The following LCLAT1 variants were observed in gnomAD, a reference collection of about 807,000 sequenced individuals.
LCLAT1 encodes lysocardiolipin acyltransferase 1.
In LCLAT1, 11 loss-of-function variants were observed where a neutral mutation model predicts 30.7. That is an observed-to-expected ratio of 0.36 (90% CI 0.23 to 0.59). The LOEUF (loss-of-function observed/expected upper bound fraction) is 0.59, where lower values mean the gene tolerates loss of function less well. Ranked by LOEUF, LCLAT1 falls within the 20% of genes least tolerant of loss-of-function variation. The pLI is 0.77. For synonymous variants in LCLAT1, 155 were observed against 151.3 expected, an observed-to-expected ratio of 1.02 and a Z score of -0.18; for missense variants, 402 against 458.6, an observed-to-expected ratio of 0.88 and a Z score of 1.13.
chr2:30,574,850 A>G (rs186781118), intron 5 of LCLAT1, among the ~76,000 whole-genome samples: 101 of 152,342 alleles, frequency 6.6e-4, no homozygotes, highest in African/African-American at 2.1e-3. Context: ...TGAAGAGCTT[A>G]CTGAGATTTC....
At chr2:30,500,082 C>T (rs1337383115) in intron 1 of LCLAT1, among the ~76,000 whole-genome samples, 1 of 152,090 alleles carries the variant, frequency 6.6e-6, no homozygotes, top group African/African-American at 2.4e-5. Context: ...AGAAAACACC[C>T]ATTTTATTAA....
intron 1 of LCLAT1, among the ~76,000 whole-genome samples, chr2:30,463,180 T>C (rs746284228): frequency 6.6e-6 from 1 of 151,938 alleles, no homozygotes; most frequent in African/African-American, 2.4e-5. Flanking sequence ...GAAGAACAGA[T>C]CAGAATTACA....
rs114454314 is a variant in LCLAT1, at chr2:30,491,182, T to C, written c.-4-34405T>C. ...CTGGTGAAATAGACAGAAGACAGTA[T>C]GTATCTGGTAAACCCAAGTACATCT... On this transcript the variant is annotated intron_variant, in intron 1 of 5. Coordinates refer to ENST00000379509, the MANE Select transcript of LCLAT1 (RefSeq NM_001002257.3). Among the ~76,000 whole-genome samples the C allele has an allele frequency of 7.9e-3, 1,211 of 152,328 alleles. 4 individuals are homozygous for C. The highest frequency in any genetic ancestry group is 0.051 in the Middle Eastern group (15 of 294).
chr2:30,627,006 G>A (rs1668543820), intron 5 of LCLAT1, among the ~76,000 whole-genome samples: 1 of 152,166 alleles, frequency 6.6e-6, no homozygotes, highest in South Asian at 2.1e-4. Context: ...CACTAGGTAA[G>A]TAATCAGATT....
intron 3 of LCLAT1, among the ~76,000 whole-genome samples, chr2:30,545,764 A>G (rs977271934): frequency 1.3e-5 from 2 of 152,196 alleles, no homozygotes; most frequent in East Asian, 3.9e-4. Flanking sequence ...AAACAGTCAT[A>G]AAAAGTCCAT....
chr2:30,529,152 G>C lies in LCLAT1; in HGVS notation c.165+3397G>C, dbSNP rs533836617. Among the ~76,000 whole-genome samples the C allele has an allele frequency of 3.3e-5, 5 of 152,170 alleles. No individual in the cohort carries two copies. The East Asian group carries it at 9.6e-4, about 29-fold the overall frequency. On this transcript the variant is annotated intron_variant, in intron 2 of 5. Coordinates refer to ENST00000379509, the MANE Select transcript of LCLAT1 (RefSeq NM_001002257.3). ...ATAATTTTCCACTAAAAATAAATTA[G>C]GATAAATGCACTTAAACTAATTATT...
At chr2:30,475,795 A>G (rs1683015097) in intron 1 of LCLAT1, among the ~76,000 whole-genome samples, 1 of 152,206 alleles carries the variant, frequency 6.6e-6, no homozygotes, top group African/African-American at 2.4e-5. Context: ...CAAGATTTTG[A>G]GAAGATTTCA....
In LCLAT1 at chr2:30,449,834, A is replaced by G. The variant is rs115748085; in HGVS notation, c.-5+2451A>G. On this transcript the variant is annotated intron_variant, in intron 1 of 5. Coordinates refer to ENST00000379509, the MANE Select transcript of LCLAT1 (RefSeq NM_001002257.3). ...TAATTTCTATCAGGAAGCACAAATC[A>G]ATAATTGGGATTTTTGTTTTTATTA... 6.9e-3 allele frequency among the ~76,000 whole-genome samples: 1,057 copies of G among 152,308 alleles called. 11 individuals carry two copies. The highest frequency in any genetic ancestry group is 0.024 in the African/African-American group (1,003 of 41,566).
At chr2:30,548,138 A>G (rs575397123) in intron 3 of LCLAT1, among the ~76,000 whole-genome samples, 2 of 152,264 alleles carry the variant, frequency 1.3e-5, no homozygotes, top group South Asian at 2.1e-4. Context: ...GGTTGCCAGC[A>G]TTGCTTGGCC....
intron 5 of LCLAT1, 109 bp downstream of exon 5, chr2:30,568,285 G>A: frequency 1.8e-6 from 1 of 570,334 alleles, no homozygotes; most frequent in Non-Finnish European, 3.1e-6. Flanking sequence ...TTTGTCTCAA[G>A]AAATGAGATA....
intron 1 of LCLAT1, among the ~76,000 whole-genome samples, chr2:30,500,629 T>C (rs1478995135): frequency 1.3e-5 from 2 of 152,222 alleles, no homozygotes; most frequent in African/African-American, 4.8e-5. Flanking sequence ...GGCTGAACCC[T>C]TGAATACATT....
intron 3 of LCLAT1, among the ~76,000 whole-genome samples, chr2:30,534,502 TCTC>T (rs1686144343): frequency 6.6e-6 from 1 of 152,126 alleles, no homozygotes; most frequent in African/African-American, 2.4e-5. Context: ...ATGGTCTTGA[TCTC>T]CTGACCTCGT....
chr2:30,448,589 T>C (rs1247513661), intron 1 of LCLAT1, among the ~76,000 whole-genome samples: 1 of 152,252 alleles, frequency 6.6e-6, no homozygotes, highest in Admixed American at 6.5e-5. Context: ...CAACTATGTG[T>C]CAGTTTCTGT....
At chr2:30,601,460 G>C (rs1667180739) in intron 5 of LCLAT1, among the ~76,000 whole-genome samples, 2 of 152,148 alleles carry the variant, frequency 1.3e-5, no homozygotes, top group Non-Finnish European at 2.9e-5. Context: ...AATTATTAAA[G>C]TGGTAAAACA....
chr2:30,491,824 G>T (rs1444113236), intron 1 of LCLAT1, among the ~76,000 whole-genome samples: 1 of 152,100 alleles, frequency 6.6e-6, no homozygotes, highest in African/African-American at 2.4e-5. Context: ...ACTTTCAGGG[G>T]GAAGTGTACA....
At chr2:30,621,752 G>T (rs1398954091) in intron 5 of LCLAT1, among the ~76,000 whole-genome samples, 1 of 152,106 alleles carries the variant, frequency 6.6e-6, no homozygotes, top group African/African-American at 2.4e-5. Context: ...AGCCCTGTGG[G>T]TACTCTCATT....
intron 1 of LCLAT1, among the ~76,000 whole-genome samples, chr2:30,479,315 C>T: frequency 6.6e-6 from 1 of 151,864 alleles, no homozygotes; most frequent in East Asian, 1.9e-4. Flanking sequence ...CTGCAGCTTC[C>T]AACTTTGGGG....
chr2:30,562,527 C>A (rs1558521886), intron 4 of LCLAT1, among the ~76,000 whole-genome samples: 1 of 151,872 alleles, frequency 6.6e-6, no homozygotes, highest in East Asian at 1.9e-4. Context: ...CAAAACAAAA[C>A]AGAAAAATTA....
In LCLAT1 at chr2:30,568,079, TA is replaced by T; in HGVS notation, c.533del (p.Asn178MetfsTer27). 1 of 1,575,166 alleles carries T rather than the reference TA, an allele frequency of 6.3e-7. No homozygotes were observed. Among genetic ancestry groups the T allele is most frequent in the Non-Finnish European group, 8.7e-7 (1 of 1,148,964 alleles). ...DLTENSKSRSNAFAEKNGLQK... is the reference protein window; with the variant it reads ...DLTENSKSRSXAFAEKNGLQK... ...GTTTAGAAAACAGCAAGTCTCGAAG[TA>T]ATGCATTTGCTGAAAAAAATGGACT... is the stretch of plus-strand genomic sequence containing the variant. On this transcript the variant is annotated frameshift_variant, in exon 5 of 6. Transcript: ENST00000379509. LOFTEE classifies it high-confidence loss of function.
Sources: allele counts gnomAD v4.1 joint callset (sites outside exome capture counted in the v4.1 genomes callset), GRCh38; gene constraint gnomAD v4.1.1; transcripts MANE v1.5; gene names NCBI Gene and HGNC (gene_info 2026-07-23, HGNC 2026-07-21).